BEST1: variants seen among roughly 807,000 people sequenced by gnomAD.
BEST1 encodes the protein bestrophin-1.
BEST1 carries 58 observed loss-of-function variants against 63.3 expected under a neutral mutation model. That is an observed-to-expected ratio of 0.92 (90% CI 0.74 to 1.14). The LOEUF is 1.14. Ranked by LOEUF, BEST1 falls within the 50% of genes most tolerant of loss-of-function variation. The pLI is 0.00. For synonymous variants in BEST1, 283 were observed against 291.6 expected (o/e 0.97, Z 0.30); for missense variants, 671 against 740.1 (o/e 0.91, Z 1.08).
At chr11:61,963,744 AAG>A in intron 10 of BEST1, 2 of 1,169,574 alleles carry the variant, frequency 1.7e-6, no homozygotes, top group Non-Finnish European at 2.1e-6. Flanking sequence ...GTTAATATTT[AAG>A]AATCTTGTCT....
intron 1 of BEST1, 142 bp from the exon 2 acceptor site, chr11:61,951,629 T>C: frequency 1.3e-6 from 1 of 783,490 alleles, no homozygotes; most frequent in Non-Finnish European, 2.0e-6. Context: ...CAGTCAGAAC[T>C]GGCAGGGCCT....
At chr11:61,960,269 C>A in intron 9 of BEST1, 1 of 643,526 alleles carries the variant, frequency 1.6e-6, no homozygotes, top group Non-Finnish European at 2.7e-6. Context: ...GTAAGTTGTC[C>A]AAGGCCACAT....
chr11:61,959,641 C>T, intron 8 of BEST1, 63 bp downstream of exon 8: 1 of 1,563,480 alleles, frequency 6.4e-7, no homozygotes, highest in Non-Finnish European at 8.8e-7. Context: ...AAAGAGAGGA[C>T]CCCACTGTTC....
At position 61,964,107 on chromosome 11, in the gene BEST1, T is replaced by A; in HGVS notation, c.1743T>A (p.Asp581Glu). The A allele has an allele frequency of 6.2e-7, 1 of 1,614,052 alleles. No homozygotes were observed. Among genetic ancestry groups the A allele is most frequent in the Non-Finnish European group, 8.5e-7 (1 of 1,180,026 alleles). The change falls in exon 11 of 11, where the codon GAT becomes GAA. Residue 581 changes from aspartate to glutamate, a missense_variant. Physicochemically the swap from Asp to Glu is conservative, Grantham distance 45. Coordinates refer to ENST00000378043, the MANE Select transcript of BEST1 (RefSeq NM_004183.4). ...MDPYWALENR[D>E]EAHS ...TTAATACTTTCATTCTCACTAGGGATGAAGCACATTCCTAACCTGCTTCCT... is the reference window on the plus strand; with the variant it reads ...TTAATACTTTCATTCTCACTAGGGAAGAAGCACATTCCTAACCTGCTTCCT...
chr11:61,964,011 C>A (rs61613252), intron 10 of BEST1, 93 bp from the exon 11 acceptor site: 20 of 1,546,208 alleles, frequency 1.3e-5, no homozygotes, highest in African/African-American at 1.4e-5. Flanking sequence ...AAAAAAGGAT[C>A]GTCTCAACCT....
At position 61,955,826 on chromosome 11, in the gene BEST1, A is replaced by G; in HGVS notation, c.356A>G (p.Glu119Gly). The change falls in exon 4 of 11, where the codon GAG becomes GGG. Residue 119 changes from glutamate (E) to glycine (G), a missense_variant. Coordinates refer to ENST00000378043, the MANE Select transcript of BEST1 (RefSeq NM_004183.4). ...TCGGGCTTCGTCGAAGGCAAGGACG[A>G]GCAAGGCCGGCTGCTGCGGCGCACG... ...LVSGFVEGKD[E>G]QGRLLRRTLI... The G allele has an allele frequency of 6.4e-7, 1 of 1,550,578 alleles. No individual in the cohort carries two copies. The highest frequency in any genetic ancestry group is 1.4e-5 in the African/African-American group (1 of 73,176).
rs375950291 is a variant in BEST1, at chr11:61,955,857, C to T, written c.387C>T (p.Ile129=). 2 of 1,550,514 alleles carry T rather than the reference C, an allele frequency of 1.3e-6. No individual in the cohort carries two copies. Among genetic ancestry groups the T allele is most frequent in the East Asian group, 2.4e-5 (1 of 40,980 alleles). The change falls in exon 4 of 11, where the codon ATC becomes ATT. Residue 129 remains isoleucine (I), a synonymous_variant. Transcript: ENST00000378043. ...EQGRLLRRTL[I]RYANLGNVLI... ...GCCGGCTGCTGCGGCGCACGCTCATCCGCTACGCCAACCTGGGCAACGTGC... is the reference window on the plus strand; with the variant it reads ...GCCGGCTGCTGCGGCGCACGCTCATTCGCTACGCCAACCTGGGCAACGTGC...
chr11:61,953,583 A>ACC (rs1940945590), intron 2 of BEST1, among the ~76,000 whole-genome samples: 18 of 152,068 alleles, frequency 1.2e-4, no homozygotes, highest in Admixed American at 1.2e-3. Flanking sequence ...GGTGGCACGC[A>ACC]CCTGTAGTTC....
chr11:61,952,459 CTTTTTTTT>C (rs34404535), intron 2 of BEST1, among the ~76,000 whole-genome samples: 2 of 78,152 alleles, frequency 2.6e-5, no homozygotes, highest in Non-Finnish European at 4.8e-5. Context: ...CCACATGGTA[CTTTTTTTT>C]TTTTTTTTTT....
At chr11:61,951,533 G>A (rs528992320) in intron 1 of BEST1, among the ~76,000 whole-genome samples, 2 of 152,266 alleles carry the variant, frequency 1.3e-5, no homozygotes, top group South Asian at 4.1e-4. Flanking sequence ...AAGGCACATG[G>A]CAATGCACAC....
At position 61,958,252 on chromosome 11, in the gene BEST1, C is replaced by G. The variant is rs62639270; in HGVS notation, c.821C>G (p.Pro274Arg). The stretch of plus-strand genomic sequence containing the variant: ...GGCCATGAGCTGGACCTCGTTGTGC[C>G]CGTCTTCACGTTCCTGCAGTTCTTC... ...YPGHELDLVV[P>R]VFTFLQFFFY... Residue 274 changes from proline to arginine, a missense_variant, in exon 7 of 11, where the codon CCC becomes CGC. Physicochemically the swap from Pro to Arg is moderately radical, Grantham distance 103. Coordinates refer to ENST00000378043, the MANE Select transcript of BEST1 (RefSeq NM_004183.4). 18 of 1,614,102 alleles carry G rather than the reference C, an allele frequency of 1.1e-5. No homozygotes were observed. The Admixed American group carries it at 1.7e-4, about 15-fold the overall frequency.
intron 10 of BEST1, 114 bp from the exon 11 acceptor site, chr11:61,963,990 C>CAA (rs34046408): frequency 8.7e-4 from 1,212 of 1,399,836 alleles, no homozygotes; most frequent in East Asian, 4.8e-3. Flanking sequence ...GAGACTGTCT[C>CAA]AAAAAAAAAA....
chr11:61,952,608 A>G (rs1940829093), intron 2 of BEST1, among the ~76,000 whole-genome samples: 1 of 149,282 alleles, frequency 6.7e-6, no homozygotes, highest in Non-Finnish European at 1.5e-5. Context: ...CTGGAATTAT[A>G]GGCACACACC....
At chr11:61,962,120 T>C in intron 9 of BEST1, 135 bp from the exon 10 acceptor site, 2 of 864,108 alleles carry the variant, frequency 2.3e-6, no homozygotes, top group Non-Finnish European at 3.7e-6. Flanking sequence ...AGGTGAGAGC[T>C]GGGGCATGGT....
chr11:61,964,739 A>G (rs1389949911), downstream of BEST1: 5 of 1,598,578 alleles, frequency 3.1e-6, no homozygotes, highest in African/African-American at 5.3e-5. Flanking sequence ...AGCTTTCATT[A>G]TCACTGTCTC....
At chr11:61,953,220 G>A (rs1940896873) in intron 2 of BEST1, among the ~76,000 whole-genome samples, 1 of 152,106 alleles carries the variant, frequency 6.6e-6, no homozygotes, top group South Asian at 2.1e-4. Context: ...TGAAATTCTT[G>A]TGTTCTTAAT....
intron 5 of BEST1, 66 bp from the exon 6 acceptor site, chr11:61,957,321 G>A: frequency 6.9e-7 from 1 of 1,443,476 alleles, no homozygotes; most frequent in African/African-American, 1.4e-5. Context: ...TGGAGAAGAG[G>A]TGGGGGCGAG....
chr11:61,956,051 T>C, intron 4 of BEST1, 100 bp downstream of exon 4: 1 of 1,198,604 alleles, frequency 8.3e-7, no homozygotes, highest in South Asian at 1.4e-5. Context: ...TCCCCCGGAC[T>C]CGGGGGATTG....
chr11:61,951,016 C>T lies in BEST1; in HGVS notation c.-37+589C>T, dbSNP rs1940599490. On this transcript the variant is annotated intron_variant, in intron 1 of 10. Coordinates refer to ENST00000378043, the MANE Select transcript of BEST1 (RefSeq NM_004183.4). ...TTTGAGCATCTCTACCAGCTAGGTT[C>T]CATTATGGGAATGGGAATATGGTGG... Among the ~76,000 whole-genome samples, 3 of 152,072 alleles carry T rather than the reference C, an allele frequency of 2.0e-5. No homozygotes were observed. The South Asian group carries it at 6.2e-4, about 32-fold the overall frequency.
Sources: gnomAD v4.1 joint callset for allele counts (sites outside exome capture counted in the v4.1 genomes callset) on GRCh38, gnomAD v4.1.1 for gene constraint, MANE v1.5 for transcripts, NCBI Gene and HGNC (gene_info 2026-07-23, HGNC 2026-07-21) for gene names.